Variants in IGSF5 observed in about 807,000 individuals in gnomAD.
IGSF5 encodes immunoglobulin superfamily 5 like.
A neutral mutation model predicts 39.4 loss-of-function variants in IGSF5; 41 were observed. That is an observed-to-expected ratio of 1.04 (90% CI 0.81 to 1.35). The LOEUF (loss-of-function observed/expected upper bound fraction) is 1.35, where lower values mean the gene tolerates loss of function less well. Among genes scored for constraint, IGSF5 ranks in the 40% most tolerant of loss-of-function variants. The probability of loss-of-function intolerance (pLI) is 0.00; values close to 1 mark genes in which losing one functional copy is unlikely to be tolerated. For missense variants in IGSF5, 487 were observed against 494.6 expected (o/e 0.98, Z 0.15); for synonymous variants, 183 against 175.3 (o/e 1.04, Z -0.34).
chr21:39,752,391 G>A (rs556077901), intron 2 of IGSF5, among the ~76,000 whole-genome samples: 89 of 152,042 alleles, frequency 5.9e-4, no homozygotes, highest in Non-Finnish European at 1.1e-3. Flanking sequence ...TATATATACC[G>A]CATTTTCTTT....
At chr21:39,794,308 G>T (rs2086982750) in intron 8 of IGSF5, among the ~76,000 whole-genome samples, 1 of 152,140 alleles carries the variant, frequency 6.6e-6, no homozygotes, top group South Asian at 2.1e-4. Flanking sequence ...GATTCTGAAG[G>T]TCTCTGTTAG....
intron 5 of IGSF5, among the ~76,000 whole-genome samples, chr21:39,787,692 T>C (rs1347855510): frequency 6.6e-6 from 1 of 151,852 alleles, no homozygotes; most frequent in African/African-American, 2.4e-5. Flanking sequence ...GTTAAAAATA[T>C]AATAACAGTA....
chr21:39,732,815 C>G, the IGSF5 span, among the ~76,000 whole-genome samples: 1 of 152,090 alleles, frequency 6.6e-6, no homozygotes, highest in Non-Finnish European at 1.5e-5. Context: ...TGCTTGAGCT[C>G]AGGAGTCTAA....
At chr21:39,769,197 C>A (rs776404662) in intron 3 of IGSF5, among the ~76,000 whole-genome samples, 1 of 152,142 alleles carries the variant, frequency 6.6e-6, no homozygotes, top group South Asian at 2.1e-4. Flanking sequence ...AAACCTCAGC[C>A]GGGAATGGTG....
chr21:39,753,937 T>C (rs1310649573), intron 2 of IGSF5, among the ~76,000 whole-genome samples: 3 of 152,178 alleles, frequency 2.0e-5, no homozygotes, highest in Non-Finnish European at 4.4e-5. Flanking sequence ...TGTTTTTTTT[T>C]AGTCCATTCT....
At chr21:39,766,747 A>G (rs1601129488) in intron 3 of IGSF5, among the ~76,000 whole-genome samples, 1 of 152,188 alleles carries the variant, frequency 6.6e-6, no homozygotes, top group South Asian at 2.1e-4. Context: ...GCATTCTTTA[A>G]AAGTGTATTT....
chr21:39,717,960 T>C, the IGSF5 span, among the ~76,000 whole-genome samples: 1 of 152,350 alleles, frequency 6.6e-6, no homozygotes, highest in East Asian at 1.9e-4. Flanking sequence ...TATTGATTCA[T>C]CTAATCCATG....
Position 39,793,955 on chromosome 21 carries a change from C to T in IGSF5, c.1128+342C>T, listed in dbSNP as rs189644554. ...CCATTTGTTCTCTTTGAGCCATATT[C>T]TCCCAGGACTCAAGTCCATTCTGCT... On this transcript the variant is annotated intron_variant, in intron 8 of 8. Transcript: ENST00000380588. 4.3e-3 allele frequency among the ~76,000 whole-genome samples: 655 copies of T among 152,276 alleles called. 4 individuals are homozygous for T. The highest frequency in any genetic ancestry group is 6.8e-3 in the Middle Eastern group (2 of 294).
At chr21:39,756,113 AC>A (rs1555941311) in intron 2 of IGSF5, among the ~76,000 whole-genome samples, 1 of 152,002 alleles carries the variant, frequency 6.6e-6, no homozygotes, top group African/African-American at 2.4e-5. Flanking sequence ...AAACAAACAA[AC>A]AAACAAACGA....
At chr21:39,753,901 C>G (rs1458425207) in intron 2 of IGSF5, among the ~76,000 whole-genome samples, 3 of 145,912 alleles carry the variant, frequency 2.1e-5, no homozygotes, top group Non-Finnish European at 3.0e-5. Context: ...CTCTTGAAGA[C>G]AGTAGATATT....
At chr21:39,759,999 T>C (rs1441498389) in intron 2 of IGSF5, among the ~76,000 whole-genome samples, 1 of 152,002 alleles carries the variant, frequency 6.6e-6, no homozygotes, top group African/African-American at 2.4e-5. Flanking sequence ...TGAGGGTCCA[T>C]CCCAAAATTT....
At chr21:39,758,661 G>C (rs572651242) in intron 2 of IGSF5, among the ~76,000 whole-genome samples, 1 of 152,148 alleles carries the variant, frequency 6.6e-6, no homozygotes, top group Admixed American at 6.5e-5. Context: ...TGTGTGCAAG[G>C]CCTGGGTCTC....
At chr21:39,795,062 G>A (rs2086987507) in intron 8 of IGSF5, among the ~76,000 whole-genome samples, 1 of 152,126 alleles carries the variant, frequency 6.6e-6, no homozygotes, top group African/African-American at 2.4e-5. Context: ...CATATGAGGG[G>A]CCTGGGGCAT....
At chr21:39,739,426 T>A in the IGSF5 span, among the ~76,000 whole-genome samples, 1 of 152,150 alleles carries the variant, frequency 6.6e-6, no homozygotes, top group African/African-American at 2.4e-5. Context: ...ATTGGTTATT[T>A]CTTTATCTCC....
the IGSF5 span, among the ~76,000 whole-genome samples, chr21:39,734,144 G>A: frequency 3.3e-5 from 5 of 151,960 alleles, no homozygotes; most frequent in African/African-American, 1.2e-4. Flanking sequence ...AAAAATGATG[G>A]CTGTGTGCAG....
At chr21:39,777,202 A>T (rs896899888) in intron 4 of IGSF5, among the ~76,000 whole-genome samples, 7 of 152,112 alleles carry the variant, frequency 4.6e-5, no homozygotes, top group Non-Finnish European at 1.5e-5. Flanking sequence ...CATGGATCCA[A>T]CTCTGGACTT....
chr21:39,788,710 G>C (rs1360243495), intron 6 of IGSF5, among the ~76,000 whole-genome samples: 1 of 152,218 alleles, frequency 6.6e-6, no homozygotes, highest in African/African-American at 2.4e-5. Flanking sequence ...AGGCTGCCCA[G>C]AAGTAGCTGC....
chr21:39,785,534 A>T (rs937071886), intron 5 of IGSF5, among the ~76,000 whole-genome samples: 9 of 152,206 alleles, frequency 5.9e-5, no homozygotes, highest in African/African-American at 2.2e-4. Flanking sequence ...TGATTTGGCG[A>T]TGTGGGCTCT....
At chr21:39,726,382 G>C in the IGSF5 span, among the ~76,000 whole-genome samples, 6,882 of 152,292 alleles carry the variant, frequency 0.045, 190 homozygotes, top group Non-Finnish European at 0.055. Flanking sequence ...TGGGATAGTG[G>C]CATGTGGATG....
Sources: gnomAD v4.1 joint callset for allele counts (sites outside exome capture counted in the v4.1 genomes callset) on GRCh38, gnomAD v4.1.1 for gene constraint, MANE v1.5 for transcripts, NCBI Gene and HGNC (gene_info 2026-07-23, HGNC 2026-07-21) for gene names.